Variants in SRPK2 observed in about 807,000 individuals in gnomAD.
SRPK2 encodes SFRS protein kinase 2.
A neutral mutation model predicts 90.8 loss-of-function variants in SRPK2; 21 were observed. The observed-to-expected ratio is 0.23, with a 90% confidence interval of 0.16 to 0.33. The LOEUF (loss-of-function observed/expected upper bound fraction) is 0.33, where lower values mean the gene tolerates loss of function less well. SRPK2 is among the 10% of genes least tolerant of loss of function. SRPK2 has a pLI of 1.00. For synonymous variants in SRPK2, 288 were observed against 311.1 expected, an observed-to-expected ratio of 0.93 and a Z score of 0.78; for missense variants, 620 against 869.0, an observed-to-expected ratio of 0.71 and a Z score of 3.60.
At chr7:105,316,267 T>C (rs1812301230) in intron 2 of SRPK2, among the ~76,000 whole-genome samples, 1 of 152,138 alleles carries the variant, frequency 6.6e-6, no homozygotes, top group African/African-American at 2.4e-5. Context: ...CCTGGCCATC[T>C]TGAGGTAATC....
At chr7:105,125,560 A>G (rs79387807) in intron 15 of SRPK2, among the ~76,000 whole-genome samples, 3,316 of 152,290 alleles carry the variant, frequency 0.022, 127 homozygotes, top group African/African-American at 0.074. Context: ...GGAGTAAAAG[A>G]GAGAAGCGGA....
At chr7:105,388,131 G>A (rs943762357) in intron 2 of SRPK2, among the ~76,000 whole-genome samples, 7 of 152,126 alleles carry the variant, frequency 4.6e-5, no homozygotes, top group Non-Finnish European at 8.8e-5. Flanking sequence ...GTTCTCAGCA[G>A]AAAGGCCGAC....
At chr7:105,274,125 G>A (rs942215865) in intron 2 of SRPK2, among the ~76,000 whole-genome samples, 1 of 152,098 alleles carries the variant, frequency 6.6e-6, no homozygotes, top group African/African-American at 2.4e-5. Flanking sequence ...AGTCCCATAG[G>A]CTGTTCTTTT....
At chr7:105,254,784 T>C (rs778561793) in intron 2 of SRPK2, among the ~76,000 whole-genome samples, 1 of 151,988 alleles carries the variant, frequency 6.6e-6, no homozygotes, top group Non-Finnish European at 1.5e-5. Context: ...TTGCCTACTG[T>C]GTTCAAACAA....
chr7:105,193,666 C>T (rs570441233), intron 3 of SRPK2, among the ~76,000 whole-genome samples: 1 of 152,274 alleles, frequency 6.6e-6, no homozygotes, highest in East Asian at 1.9e-4. Flanking sequence ...CACCTATGAG[C>T]ATGGGATGTG....
At chr7:105,379,712 C>T (rs1820720277) in intron 2 of SRPK2, among the ~76,000 whole-genome samples, 1 of 151,972 alleles carries the variant, frequency 6.6e-6, no homozygotes, top group African/African-American at 2.4e-5. Flanking sequence ...GGCGTGGTGG[C>T]TCACGCCTGT....
At chr7:105,378,040 G>A (rs913980870) in intron 2 of SRPK2, among the ~76,000 whole-genome samples, 3 of 151,918 alleles carry the variant, frequency 2.0e-5, no homozygotes, top group Admixed American at 6.6e-5. Flanking sequence ...CCAGTCCTTC[G>A]TTTGACTTCC....
chr7:105,213,623 A>C (rs1797112582), intron 2 of SRPK2, among the ~76,000 whole-genome samples: 1 of 152,150 alleles, frequency 6.6e-6, no homozygotes, highest in African/African-American at 2.4e-5. Flanking sequence ...CATATACAAA[A>C]GTAAGCCTAC....
At chr7:105,362,931 T>C (rs1350212542) in intron 2 of SRPK2, among the ~76,000 whole-genome samples, 1 of 151,968 alleles carries the variant, frequency 6.6e-6, no homozygotes, top group Non-Finnish European at 1.5e-5. Context: ...CTAAGCAAAC[T>C]ATCGCATGGA....
At chr7:105,149,345 C>T (rs558201894) in intron 7 of SRPK2, among the ~76,000 whole-genome samples, 34 of 152,246 alleles carry the variant, frequency 2.2e-4, no homozygotes, top group South Asian at 1.5e-3. Context: ...TGTACGTGCA[C>T]GTCCAGTCAT....
intron 2 of SRPK2, among the ~76,000 whole-genome samples, chr7:105,223,370 C>T (rs979208606): frequency 4.6e-5 from 7 of 152,184 alleles, no homozygotes; most frequent in Non-Finnish European, 1.0e-4. Context: ...AGACAGAACA[C>T]GGAGTTGAAG....
At chr7:105,204,565 A>C (rs750040053) in intron 2 of SRPK2, 242 of 458,248 alleles carry the variant, frequency 5.3e-4, no homozygotes, top group Admixed American at 7.7e-4. Context: ...AAGCTATCCC[A>C]CTAATAAAAC....
At chr7:105,300,354 C>T (rs1810392096) in intron 2 of SRPK2, among the ~76,000 whole-genome samples, 1 of 151,430 alleles carries the variant, frequency 6.6e-6, no homozygotes. Context: ...CATCTGACAT[C>T]ATGGCTGGGA....
intron 2 of SRPK2, among the ~76,000 whole-genome samples, chr7:105,365,938 G>A (rs528944240): frequency 4.0e-5 from 6 of 151,058 alleles, no homozygotes; most frequent in South Asian, 2.1e-4. Context: ...CACTGCAACC[G>A]CTGCCTCCAG....
intron 2 of SRPK2, among the ~76,000 whole-genome samples, chr7:105,287,705 T>A (rs920041969): frequency 6.6e-6 from 1 of 152,098 alleles, no homozygotes; most frequent in Non-Finnish European, 1.5e-5. Context: ...CACTGCACTC[T>A]AGCCTGGATG....
chr7:105,299,036 C>T lies in SRPK2; in HGVS notation c.71+89612G>A, dbSNP rs58852948. The stretch of plus-strand genomic sequence containing the variant: ...CCTCCCCCATCCATATGCACTGAAA[C>T]GTTAAGATCTGCCATGTCTCCAGAA... On this transcript the variant is annotated intron_variant, in intron 2 of 15. Coordinates refer to ENST00000393651, the MANE Select transcript of SRPK2 (RefSeq NM_182692.3). 5.1e-3 allele frequency among the ~76,000 whole-genome samples: 777 copies of T among 152,306 alleles called. 12 individuals are homozygous for T. In the East Asian group the frequency reaches 0.055, roughly 11 times the overall value.
chr7:105,248,748 T>C (rs1173218117), intron 2 of SRPK2, among the ~76,000 whole-genome samples: 2 of 152,102 alleles, frequency 1.3e-5, no homozygotes, highest in Non-Finnish European at 2.9e-5. Context: ...GAGACCATCC[T>C]AGCTAACACG....
At chr7:105,135,292 C>T (rs1380151181) in intron 11 of SRPK2, among the ~76,000 whole-genome samples, 2 of 152,200 alleles carry the variant, frequency 1.3e-5, no homozygotes, top group East Asian at 3.9e-4. Context: ...ACCACCCCTT[C>T]CCCACCGAAG....
chr7:105,220,217 T>C (rs1292021586), intron 2 of SRPK2, among the ~76,000 whole-genome samples: 1 of 152,240 alleles, frequency 6.6e-6, no homozygotes, highest in Non-Finnish European at 1.5e-5. Flanking sequence ...TTGTTTTTCC[T>C]AATTCTTAGA....
Sources: gnomAD v4.1 joint callset for allele counts (sites outside exome capture counted in the v4.1 genomes callset) on GRCh38, gnomAD v4.1.1 for gene constraint, MANE v1.5 for transcripts, NCBI Gene and HGNC (gene_info 2026-07-23, HGNC 2026-07-21) for gene names.